Variants in CFAP299 observed in about 807,000 individuals in gnomAD.
CFAP299 encodes cilia- and flagella-associated protein 299.
Under a neutral mutation model 27.0 loss-of-function variants are expected in CFAP299, and 21 were observed. The observed-to-expected ratio is 0.78, with a 90% CI of 0.55 to 1.12. The LOEUF (loss-of-function observed/expected upper bound fraction) is 1.12. CFAP299 is among the 50% of genes most tolerant of loss of function. CFAP299 has a pLI of 0.00. For synonymous variants in CFAP299, 104 were observed against 98.1 expected (o/e 1.06, Z -0.36); for missense variants, 310 against 276.6 (o/e 1.12, Z -0.86).
At chr4:80,931,634 A>G (rs1736619554) in intron 4 of CFAP299, among the ~76,000 whole-genome samples, 1 of 152,126 alleles carries the variant, frequency 6.6e-6, no homozygotes, top group South Asian at 2.1e-4. Flanking sequence ...GAGGGGGCTC[A>G]GGAACCCAAA....
intron 2 of CFAP299, among the ~76,000 whole-genome samples, chr4:80,509,578 T>C (rs1039288951): frequency 1.3e-5 from 2 of 152,190 alleles, no homozygotes; most frequent in African/African-American, 4.8e-5. Flanking sequence ...ATTGTACTCT[T>C]ATAAAATTGC....
At chr4:80,450,492 A>C (rs1728846166) in intron 2 of CFAP299, among the ~76,000 whole-genome samples, 1 of 152,186 alleles carries the variant, frequency 6.6e-6, no homozygotes, top group Non-Finnish European at 1.5e-5. Flanking sequence ...AAGTACTAGG[A>C]ATAAAATATT....
At chr4:80,834,173 A>C (rs1419789837) in intron 3 of CFAP299, among the ~76,000 whole-genome samples, 1 of 152,126 alleles carries the variant, frequency 6.6e-6, no homozygotes, top group Non-Finnish European at 1.5e-5. Flanking sequence ...ACATTGGGTA[A>C]TACTCAATAA....
intron 3 of CFAP299, among the ~76,000 whole-genome samples, chr4:80,807,312 T>C (rs918160602): frequency 6.6e-6 from 1 of 152,124 alleles, no homozygotes; most frequent in Non-Finnish European, 1.5e-5. Context: ...ATGATATATG[T>C]TGTAAATGTA....
chr4:80,566,832 C>T (rs1429841682), intron 2 of CFAP299, among the ~76,000 whole-genome samples: 3 of 151,966 alleles, frequency 2.0e-5, no homozygotes, highest in African/African-American at 7.2e-5. Flanking sequence ...AGAATGAAAT[C>T]GAACACATTC....
chr4:80,366,549 CA>C (rs1723845269), intron 2 of CFAP299, among the ~76,000 whole-genome samples: 1 of 152,040 alleles, frequency 6.6e-6, no homozygotes, highest in Non-Finnish European at 1.5e-5. Context: ...TCTGGGAATA[CA>C]ATAGAAAACA....
rs555222692 is a variant in CFAP299, at chr4:80,865,618, A to G, written c.334-4375A>G. Reference sequence around the variant, plus strand: ...AATAATTTAATAAAGCATTGTGTTCATTAGAAAAATATTTTATTTTAGCAA... The same window carrying G: ...AATAATTTAATAAAGCATTGTGTTCGTTAGAAAAATATTTTATTTTAGCAA... On this transcript the variant is annotated intron_variant, in intron 3 of 5. Coordinates refer to ENST00000358105, the MANE Select transcript of CFAP299 (RefSeq NM_152770.3). Among the ~76,000 whole-genome samples the G allele has an allele frequency of 2.1e-3, 325 of 152,292 alleles. 2 individuals are homozygous for G. The highest frequency in any genetic ancestry group is 7.5e-3 in the African/African-American group (310 of 41,574).
chr4:80,601,481 T>C (rs558486090), intron 3 of CFAP299, among the ~76,000 whole-genome samples: 1 of 152,298 alleles, frequency 6.6e-6, no homozygotes, highest in East Asian at 1.9e-4. Flanking sequence ...TTGCAATTAG[T>C]TGAGAGAAAA....
At chr4:80,932,846 G>A (rs1356378727) in intron 4 of CFAP299, among the ~76,000 whole-genome samples, 1 of 151,960 alleles carries the variant, frequency 6.6e-6, no homozygotes, top group African/African-American at 2.4e-5. Flanking sequence ...TTAGTAGCAG[G>A]CCCTGTCTTT....
chr4:80,895,531 GT>G (rs1734572717), intron 4 of CFAP299, among the ~76,000 whole-genome samples: 1 of 151,952 alleles, frequency 6.6e-6, no homozygotes, highest in Non-Finnish European at 1.5e-5. Flanking sequence ...ACAAATATAT[GT>G]TTTGTCTTCA....
chr4:80,859,540 A>G (rs1416567856), intron 3 of CFAP299, among the ~76,000 whole-genome samples: 2 of 152,042 alleles, frequency 1.3e-5, no homozygotes, highest in East Asian at 1.9e-4. Flanking sequence ...ATTTTGCAGC[A>G]GCTGGTACTG....
At chr4:80,628,519 A>G (rs1296165934) in intron 3 of CFAP299, among the ~76,000 whole-genome samples, 1 of 152,150 alleles carries the variant, frequency 6.6e-6, no homozygotes, top group East Asian at 1.9e-4. Flanking sequence ...TGCAGCAAAG[A>G]AAACAACCAA....
intron 2 of CFAP299, among the ~76,000 whole-genome samples, chr4:80,521,751 T>A (rs768648004): frequency 3.9e-5 from 6 of 152,016 alleles, no homozygotes; most frequent in Non-Finnish European, 7.4e-5. Flanking sequence ...TAGCAAAATA[T>A]CCACAAGGTT....
chr4:80,963,593 T>C lies in CFAP299; in HGVS notation c.683T>C (p.Ile228Thr), dbSNP rs1254228175. ...GTACAAGCTGTCATTTTTGACCACA[T>C]TTCCAGAAGGAAGACTTAAGTACCA... The part of the protein sequence containing the change: ...LYVQAVIFDH[I>T]SRRKT Residue 228 changes from isoleucine to threonine, a missense_variant, in exon 6 of 6, where the codon ATT (isoleucine) becomes ACT (threonine). Physicochemically the swap from Ile to Thr is moderately conservative, Grantham distance 89. Transcript: ENST00000358105. 1.2e-6 allele frequency: 2 copies of C among 1,603,156 alleles called. No individual in the cohort carries two copies. The highest frequency in any genetic ancestry group is 1.7e-5 in the Admixed American group (1 of 58,910).
chr4:80,321,487 C>T, the CFAP299 span, among the ~76,000 whole-genome samples: 2 of 152,136 alleles, frequency 1.3e-5, no homozygotes, highest in Non-Finnish European at 2.9e-5. Context: ...GGCTTCTCTC[C>T]TCTGCTGGGC....
rs368468375 is a variant in CFAP299, at chr4:80,889,411, T to C, written c.476+19276T>C. On this transcript the variant is annotated intron_variant, in intron 4 of 5. Transcript: ENST00000358105. The stretch of plus-strand genomic sequence containing the variant: ...AATACATTTCTAGACATATATGACC[T>C]ACCAAGATTGAATCAGGAAGAAATC... Among the ~76,000 whole-genome samples the C allele has an allele frequency of 5.9e-5, 9 of 152,090 alleles. No homozygotes were observed. In the South Asian group the frequency reaches 1.9e-3, roughly 32 times the overall value.
chr4:80,396,430 C>T (rs1035206046), intron 2 of CFAP299, among the ~76,000 whole-genome samples: 9 of 151,920 alleles, frequency 5.9e-5, no homozygotes, highest in Admixed American at 5.9e-4. Flanking sequence ...TGAGATAATA[C>T]ATTTTATATT....
At chr4:80,441,148 A>T (rs1000353379) in intron 2 of CFAP299, among the ~76,000 whole-genome samples, 3 of 152,232 alleles carry the variant, frequency 2.0e-5, no homozygotes, top group African/African-American at 7.2e-5. Flanking sequence ...ATTATCCAGG[A>T]TAACTTCCCC....
intron 1 of CFAP299, among the ~76,000 whole-genome samples, chr4:80,360,435 A>T (rs1723485919): frequency 6.6e-6 from 1 of 152,162 alleles, no homozygotes. Context: ...ACTTTTGTTT[A>T]AAGAAATCCA....
Sources: gnomAD v4.1 joint callset for allele counts (sites outside exome capture counted in the v4.1 genomes callset) on GRCh38, gnomAD v4.1.1 for gene constraint, MANE v1.5 for transcripts, NCBI Gene and HGNC (gene_info 2026-07-23, HGNC 2026-07-21) for gene names.